The following ARFGEF2 variants were observed in gnomAD, a reference collection of about 807,000 sequenced individuals.
ARFGEF2 encodes the protein ARF guanine nucleotide exchange factor 2.
A neutral mutation model predicts 219.9 loss-of-function variants in ARFGEF2; 74 were observed. That is an observed-to-expected ratio of 0.34 (90% CI 0.28 to 0.41). The LOEUF (loss-of-function observed/expected upper bound fraction) is 0.41, where lower values mean the gene tolerates loss of function less well. ARFGEF2 is among the 10% of genes least tolerant of loss of function. The pLI is 1.00. For missense variants in ARFGEF2, 1,743 were observed against 2,218.3 expected, an observed-to-expected ratio of 0.79 and a Z score of 4.30; for synonymous variants, 733 against 799.2, an observed-to-expected ratio of 0.92 and a Z score of 1.40.
rs1034569201 is a variant in ARFGEF2 at position 49,034,552 on chromosome 20, C to T, written c.*1353C>T. On this transcript the variant is annotated 3_prime_UTR_variant, in exon 39 of 39. Coordinates refer to ENST00000371917, the MANE Select transcript of ARFGEF2 (RefSeq NM_006420.3). ...TCATTCTCTGCCCTCACCCACTGCT[C>T]ACCTAGAGCATCGCTGAGCGTTAGA... 1 of 152,208 alleles carries T rather than the reference C, an allele frequency of 6.6e-6. No individual in the cohort carries two copies. The highest frequency in any genetic ancestry group is 1.5e-5 in the Non-Finnish European group (1 of 68,044). 9.4% of individuals were successfully genotyped at this position (152,208 alleles called of 1,614,324 possible). A position where few individuals can be genotyped will look rare whatever the true frequency, so the allele number is the denominator to read the frequency against.
rs1246063952 is a variant in ARFGEF2 at position 49,004,908 on chromosome 20, CT to C, written c.3433-161del. Among the ~76,000 whole-genome samples, 4 of 152,282 alleles carry C rather than the reference CT, an allele frequency of 2.6e-5. No homozygotes were observed. The East Asian group carries it at 7.7e-4, about 29-fold the overall frequency. On this transcript the variant is annotated intron_variant, in intron 25 of 38. Coordinates refer to ENST00000371917, the MANE Select transcript of ARFGEF2 (RefSeq NM_006420.3). ...TTTCGTCATTACACTTAAAATAAAA[CT>C]GGACAGATCATAGCCAAGAAATAGC...
chr20:48,998,723 C>T (rs2091406877), intron 25 of ARFGEF2, among the ~76,000 whole-genome samples: 1 of 152,118 alleles, frequency 6.6e-6, no homozygotes, highest in African/African-American at 2.4e-5. Flanking sequence ...ATTGAAAATA[C>T]TTTAATATCC....
At chr20:48,924,395 C>G (rs1410861710) in intron 1 of ARFGEF2, among the ~76,000 whole-genome samples, 5 of 151,884 alleles carry the variant, frequency 3.3e-5, no homozygotes, top group African/African-American at 1.2e-4. Context: ...ACCTGTAGTC[C>G]CACCTACTCG....
chr20:48,938,826 G>A (rs1023843418), intron 1 of ARFGEF2, among the ~76,000 whole-genome samples: 24 of 152,250 alleles, frequency 1.6e-4, no homozygotes, highest in Admixed American at 1.2e-3. Context: ...AGGAGCTGCC[G>A]CACCCCTTCC....
At chr20:48,972,736 C>G (rs1663570087) in intron 11 of ARFGEF2, among the ~76,000 whole-genome samples, 1 of 152,190 alleles carries the variant, frequency 6.6e-6, no homozygotes, top group Admixed American at 6.5e-5. Flanking sequence ...GATACTGGTG[C>G]TGCCAATTTT....
rs775217851 is a variant in ARFGEF2, at chr20:48,994,492, A to T, written c.3015A>T (p.Ile1005=). ...CISQLELAQL[I]GTGVKTRYLS... is the part of the protein sequence containing the mutation. ...GCCAGCTGGAGCTCGCTCAGCTGATAGGAACCGGTGTGAAGACGCGCTACC... is the reference window on the plus strand; with the variant it reads ...GCCAGCTGGAGCTCGCTCAGCTGATTGGAACCGGTGTGAAGACGCGCTACC... Residue 1005 remains isoleucine, a synonymous_variant, in exon 22 of 39, where the codon ATA becomes ATT. Coordinates refer to ENST00000371917, the MANE Select transcript of ARFGEF2 (RefSeq NM_006420.3). 2 of 1,614,090 alleles carry T rather than the reference A, an allele frequency of 1.2e-6. No individual in the cohort carries two copies. The highest frequency in any genetic ancestry group is 1.7e-4 in the Middle Eastern group (1 of 6,060).
chr20:48,984,148 A>G (rs1460369991), intron 14 of ARFGEF2, among the ~76,000 whole-genome samples: 1 of 152,206 alleles, frequency 6.6e-6, no homozygotes, highest in Non-Finnish European at 1.5e-5. Context: ...TAAGGCTGCT[A>G]CGGTGGCCCT....
chr20:48,967,898 T>A (rs545938851), intron 8 of ARFGEF2, among the ~76,000 whole-genome samples: 95 of 152,226 alleles, frequency 6.2e-4, no homozygotes, highest in Non-Finnish European at 1.2e-3. Context: ...TTATCCATGT[T>A]GTTTTCATTT....
In ARFGEF2 at chr20:48,974,000, A is replaced by G. The variant is rs370012081; in HGVS notation, c.1665+716A>G. On this transcript the variant is annotated intron_variant, in intron 12 of 38. Coordinates refer to ENST00000371917, the MANE Select transcript of ARFGEF2 (RefSeq NM_006420.3). The stretch of plus-strand genomic sequence containing the variant: ...AAGGGTGAGCCTTAAAATTGAATGC[A>G]TTTGTGGGTATTTAGGGGATACGTT... Among the ~76,000 whole-genome samples, 19 of 151,950 alleles carry G rather than the reference A, an allele frequency of 1.3e-4. 1 individual carries two copies. Among genetic ancestry groups the G allele is most frequent in the South Asian group, 8.3e-4 (4 of 4,814 alleles).
chr20:48,974,451 T>A lies in ARFGEF2; in HGVS notation c.1666-315T>A, dbSNP rs200418927. On this transcript the variant is annotated intron_variant, in intron 12 of 38. Coordinates refer to ENST00000371917, the MANE Select transcript of ARFGEF2 (RefSeq NM_006420.3). ...TTTTTAAAAATAGAAAAATTTAAAA[T>A]TTTTTTTTAATCACATAAGCAATGA... is the stretch of plus-strand genomic sequence containing the variant. 1.3e-4 allele frequency among the ~76,000 whole-genome samples: 20 copies of A among 151,756 alleles called. 1 individual carries two copies. The East Asian group carries it at 1.7e-3, about 13-fold the overall frequency.
chr20:48,952,732 C>G lies in ARFGEF2; in HGVS notation c.451C>G (p.His151Asp). 1 of 1,614,238 alleles carries G rather than the reference C, an allele frequency of 6.2e-7. No individual in the cohort carries two copies. ...TCTTCTGACTGCAGTGACTTCCCCA[C>G]ACATTGAAATTCATGAGGGTACTAT... is the stretch of plus-strand genomic sequence containing the variant. The part of the protein sequence containing the change: ...KALLTAVTSP[H>D]IEIHEGTILQ... The change falls in exon 5 of 39, where the codon CAC becomes GAC. Residue 151 changes from histidine (H) to aspartate (D), a missense_variant. Physicochemically the swap from His to Asp is moderately conservative, Grantham distance 81. Around this residue, in one of 5 missense-constraint regions of ARFGEF2, gnomAD observed 394 missense variants for 426.6 expected, o/e 0.92. Coordinates refer to ENST00000371917, the MANE Select transcript of ARFGEF2 (RefSeq NM_006420.3).
At chr20:48,962,786 T>C (rs1018689058) in intron 6 of ARFGEF2, among the ~76,000 whole-genome samples, 7 of 152,162 alleles carry the variant, frequency 4.6e-5, no homozygotes, top group African/African-American at 7.2e-5. Context: ...CGGGACCTTA[T>C]AGATCAAGCA....
rs1890552652 is a variant in ARFGEF2 at position 48,965,905 on chromosome 20, A to C, written c.941A>C (p.Glu314Ala). ...AAEKHGLTEP[E>A]RVLGELECQE... ...GAAAAGCATGGTCTGACAGAACCTG[A>C]GAGAGTTCTAGGTGAACTGGAGTGC... The change falls in exon 8 of 39, where the codon GAG becomes GCG. Residue 314 changes from glutamate (E) to alanine (A), a missense_variant. Physicochemically the swap from Glu to Ala is moderately radical, Grantham distance 107. This residue lies in a region of ARFGEF2 where 394 missense variants were observed against 426.6 expected (regional missense o/e 0.92). Coordinates refer to ENST00000371917, the MANE Select transcript of ARFGEF2 (RefSeq NM_006420.3). The C allele has an allele frequency of 6.2e-7, 1 of 1,614,206 alleles. No homozygotes were observed. Among genetic ancestry groups the C allele is most frequent in the Non-Finnish European group, 8.5e-7 (1 of 1,180,032 alleles).
At chr20:48,993,147 T>G (rs187197139) in intron 21 of ARFGEF2, among the ~76,000 whole-genome samples, 13 of 152,228 alleles carry the variant, frequency 8.5e-5, no homozygotes, top group African/African-American at 3.1e-4. Flanking sequence ...GAATAGTTGC[T>G]TTTTCTTCTA....
At position 48,951,329 on chromosome 20, in the gene ARFGEF2, A is replaced by T; in HGVS notation, c.283A>T (p.Ile95Phe). Residue 95 changes from isoleucine (I) to phenylalanine (F), a missense_variant, in exon 4 of 39, where the codon ATC becomes TTC. By Grantham distance (21) the Ile-to-Phe change is conservative. Transcript: ENST00000371917. ...CTGTTCTTTCTCTCTTTAGAAACTC[A>T]TCGCATACGGGCACATCACTGGCAA... ...STSLDCLQKL[I>F]AYGHITGNAP... The T allele has an allele frequency of 5.0e-6, 8 of 1,614,150 alleles. No individual in the cohort carries two copies. Among genetic ancestry groups the T allele is most frequent in the Non-Finnish European group, 6.8e-6 (8 of 1,180,020 alleles).
rs190556067 is a variant in ARFGEF2, at chr20:48,928,595, C to T, written c.121+6585C>T. Among the ~76,000 whole-genome samples, 891 of 150,506 alleles carry T rather than the reference C, an allele frequency of 5.9e-3. 17 individuals are homozygous for T. Among genetic ancestry groups the T allele is most frequent in the African/African-American group, 0.02 (833 of 40,918 alleles). On this transcript the variant is annotated intron_variant, in intron 1 of 38. Transcript: ENST00000371917. ...CTGCAAGCTCTGCCTCCTGGGTTCA[C>T]GCCATTCTCCTGCCTCAGCCTCCCA...
intron 12 of ARFGEF2, among the ~76,000 whole-genome samples, chr20:48,974,310 C>T (rs2091247285): frequency 6.6e-6 from 1 of 151,852 alleles, no homozygotes; most frequent in African/African-American, 2.4e-5. Flanking sequence ...TGGGGTTTCA[C>T]CATATTGTCC....
chr20:48,983,130 C>T (rs571382619), intron 14 of ARFGEF2, among the ~76,000 whole-genome samples: 25 of 152,242 alleles, frequency 1.6e-4, no homozygotes, highest in Non-Finnish European at 2.4e-4. Context: ...CATCTTGGGA[C>T]GGAATCTTAC....
intron 1 of ARFGEF2, among the ~76,000 whole-genome samples, chr20:48,924,332 A>T (rs897420504): frequency 6.6e-6 from 1 of 151,078 alleles, no homozygotes; most frequent in East Asian, 1.9e-4. Context: ...ACACGGTGAA[A>T]CCCCGCCTCT....
Sources: allele counts gnomAD v4.1 joint callset (sites outside exome capture counted in the v4.1 genomes callset), GRCh38; gene constraint gnomAD v4.1.1; regional missense constraint gnomAD v4.1.1; transcripts MANE v1.5; gene names NCBI Gene and HGNC (gene_info 2026-07-23, HGNC 2026-07-21).